The following MGAM variants were observed in gnomAD, a reference collection of about 807,000 sequenced individuals.
The protein encoded by MGAM is maltase-glucoamylase.
A neutral mutation model predicts 358.8 loss-of-function variants in MGAM; 253 were observed. The ratio of observed to expected loss-of-function variants is 0.71; its 90% confidence interval spans 0.64 to 0.78. The LOEUF (loss-of-function observed/expected upper bound fraction) is 0.78, where lower values mean the gene tolerates loss of function less well. MGAM is among the 30% of genes least tolerant of loss of function. The probability of loss-of-function intolerance (pLI) is 0.00; values close to 1 mark genes in which losing one functional copy is unlikely to be tolerated. For synonymous variants in MGAM, 1,105 were observed against 1,227.1 expected, an observed-to-expected ratio of 0.90 and a Z score of 2.08; for missense variants, 3,080 against 3,432.6, an observed-to-expected ratio of 0.90 and a Z score of 2.57.
rs1333911506 is a variant in MGAM at position 142,067,968 on chromosome 7, ATATATATATATATATATATTTTTTT to A, written c.5004+545_5004+569del. On this transcript the variant is annotated intron_variant, in intron 42 of 70. Coordinates refer to ENST00000475668, the MANE Select transcript of MGAM (RefSeq NM_001365693.1). ...TATATATATATATATATATATAAATATATATATATATATATATATTTTTTTTTTTTTTTTTTTGAGACAGAGTCTC... is the reference window on the plus strand; with the variant it reads ...TATATATATATATATATATATAAATATTTTTTTTTTTTGAGACAGAGTCTC... Among the ~76,000 whole-genome samples the A allele has an allele frequency of 2.6e-3, 13 of 5,068 alleles. 1 individual carries two copies. The highest frequency in any genetic ancestry group is 3.7e-3 in the African/African-American group (12 of 3,252). 3.3% of individuals were successfully genotyped at this position (5,068 alleles called of 152,430 possible).
intron 21 of MGAM, among the ~76,000 whole-genome samples, chr7:142,043,482 C>A (rs1809354995): frequency 3.0e-5 from 2 of 67,136 alleles, no homozygotes; most frequent in African/African-American, 1.2e-4. Flanking sequence ...CATATAATAT[C>A]TAAATATAAT....
chr7:142,105,854 A>G lies in MGAM; in HGVS notation c.8225A>G (p.His2742Arg). ...GTGACTGACAGAAACATCAGCCTAC[A>G]TAATTTTACTTCATTGACGTGGATA... Reference protein sequence around the residue: ...IDVTDRNISLHNFTSLTWIST... With the variant: ...IDVTDRNISLRNFTSLTWIST... Residue 2742 changes from histidine to arginine, a missense_variant, in exon 71 of 71, where the codon CAT becomes CGT. By Grantham distance (29) the His-to-Arg change is conservative (BLOSUM62 0). Transcript: ENST00000475668. 1.2e-6 allele frequency: 2 copies of G among 1,613,514 alleles called. No individual in the cohort carries two copies. Among genetic ancestry groups the G allele is most frequent in the Non-Finnish European group, 8.5e-7 (1 of 1,179,484 alleles).
chr7:142,027,152 C>T lies in MGAM; in HGVS notation c.1020C>T (p.Arg340=). The T allele has an allele frequency of 6.2e-7, 1 of 1,613,666 alleles. No individual in the cohort carries two copies. Among genetic ancestry groups the T allele is most frequent in the South Asian group, 1.1e-5 (1 of 91,064 alleles). ...AGCCTGCGCCAGCCATCACTTACCG[C>T]ACCATTGGGGGCATTCTCGACTTCT... is the stretch of plus-strand genomic sequence containing the variant. The part of the protein sequence containing the change: ...VLQPAPAITY[R]TIGGILDFYV... Residue 340 remains arginine (R), a synonymous_variant, in exon 9 of 71, where the codon CGC becomes CGT. Coordinates refer to ENST00000475668, the MANE Select transcript of MGAM (RefSeq NM_001365693.1).
At chr7:142,097,095 AT>A (rs1815986910) in intron 65 of MGAM, among the ~76,000 whole-genome samples, 1 of 150,226 alleles carries the variant, frequency 6.7e-6, no homozygotes, top group African/African-American at 2.5e-5. Context: ...GGCCCGGCCA[AT>A]TTAAATTTTT....
At chr7:142,102,416 G>A (rs1329014188) in intron 68 of MGAM, among the ~76,000 whole-genome samples, 1 of 152,192 alleles carries the variant, frequency 6.6e-6, no homozygotes, top group African/African-American at 2.4e-5. Flanking sequence ...CAAGCATTTT[G>A]TGTAAACTGA....
Position 142,090,548 on chromosome 7 carries a change from G to A in MGAM, c.6811-1365G>A, listed in dbSNP as rs552490557. On this transcript the variant is annotated intron_variant, in intron 57 of 70. Coordinates refer to ENST00000475668, the MANE Select transcript of MGAM (RefSeq NM_001365693.1). The stretch of plus-strand genomic sequence containing the variant: ...TCACATCCTTGACAGCCAGACCCAT[G>A]TAGGCTGGTCTGTTTCTGTTTTCTC... Among the ~76,000 whole-genome samples the A allele has an allele frequency of 5.8e-4, 85 of 145,972 alleles. 4 individuals carry two copies. The highest frequency in any genetic ancestry group is 1.8e-3 in the African/African-American group (73 of 41,174).
chr7:142,037,599 G>T (rs1808107358), intron 18 of MGAM, among the ~76,000 whole-genome samples: 1 of 152,100 alleles, frequency 6.6e-6, no homozygotes, highest in African/African-American at 2.4e-5. Flanking sequence ...ATTATTTTGG[G>T]AAGTTTTTGT....
intron 34 of MGAM, among the ~76,000 whole-genome samples, chr7:142,062,231 T>C (rs1405398199): frequency 6.6e-6 from 1 of 152,222 alleles, no homozygotes; most frequent in African/African-American, 2.4e-5. Flanking sequence ...CCTGGCTTTG[T>C]CTTTGAGGAG....
chr7:142,060,891 T>C (rs1017145865), intron 34 of MGAM, among the ~76,000 whole-genome samples: 1 of 152,130 alleles, frequency 6.6e-6, no homozygotes, highest in African/African-American at 2.4e-5. Flanking sequence ...CCACCATTCC[T>C]TGGGTTTCTC....
chr7:142,087,265 T>C (rs971979292), intron 57 of MGAM, among the ~76,000 whole-genome samples: 1 of 145,896 alleles, frequency 6.9e-6, no homozygotes, highest in Non-Finnish European at 1.6e-5. Flanking sequence ...CCTCTCAGTT[T>C]CCAGCCTTAC....
intron 3 of MGAM, among the ~76,000 whole-genome samples, chr7:142,012,830 T>G (rs1451868126): frequency 1.3e-5 from 2 of 152,124 alleles, no homozygotes; most frequent in South Asian, 2.1e-4. Flanking sequence ...GTGGTAAGAC[T>G]GACTGCACCC....
At position 142,050,961 on chromosome 7, in the gene MGAM, G is replaced by C. The variant is rs1268835336; in HGVS notation, c.2805+97G>C. The C allele has an allele frequency of 4.5e-6, 7 of 1,540,466 alleles. No homozygotes were observed. The Admixed American group carries it at 1.2e-4, about 27-fold the overall frequency. On this transcript the variant is annotated intron_variant, in intron 24 of 70. Transcript: ENST00000475668. The stretch of plus-strand genomic sequence containing the variant: ...TTTGCATGGGTCCCTGAAGGACCAG[G>C]GCACCTTTGAGGCCTGTTTTGGGGA...
chr7:141,996,284 G>A (rs1554448653), intron 1 of MGAM, among the ~76,000 whole-genome samples: 1 of 147,984 alleles, frequency 6.8e-6, no homozygotes, highest in East Asian at 2.0e-4. Flanking sequence ...CTGGGTCGTA[G>A]AGCGATACTC....
intron 42 of MGAM, among the ~76,000 whole-genome samples, 170 bp downstream of exon 42, chr7:142,067,595 C>T (rs1181742097): frequency 1.4e-5 from 1 of 72,664 alleles, no homozygotes; most frequent in African/African-American, 3.3e-5. Context: ...GTTCTTGGCA[C>T]TCAGCTCCTT....
At chr7:142,094,939 T>A in intron 63 of MGAM, 76 bp downstream of exon 63, 1 of 1,442,970 alleles carries the variant, frequency 6.9e-7, no homozygotes, top group Non-Finnish European at 9.4e-7. Flanking sequence ...TAATGCAGTC[T>A]GTATTTCCTG....
chr7:142,053,257 G>C (rs551496674), intron 26 of MGAM, among the ~76,000 whole-genome samples: 2 of 152,274 alleles, frequency 1.3e-5, no homozygotes, highest in East Asian at 3.9e-4. Context: ...AGGCAGGTCA[G>C]TGGAGGGATT....
intron 46 of MGAM, 89 bp downstream of exon 46, chr7:142,076,341 G>A: frequency 8.0e-7 from 1 of 1,244,332 alleles, no homozygotes; most frequent in South Asian, 1.2e-5. Flanking sequence ...GATTATATTT[G>A]TAACTTTATA....
In MGAM at chr7:142,055,641, G is replaced by T. The variant is rs994686231; in HGVS notation, c.3398G>T (p.Gly1133Val). The T allele has an allele frequency of 6.2e-7, 1 of 1,613,728 alleles. No individual in the cohort carries two copies. Among genetic ancestry groups the T allele is most frequent in the Admixed American group, 1.7e-5 (1 of 59,990 alleles). ...STRLPSKYLY[G>V]FGETEHRSYR... ...CGCCTTCCCTCCAAGTACCTCTATG[G>T]CTTTGGGGAAACTGAGCACAGGTCC... Residue 1133 changes from glycine to valine, a missense_variant, in exon 28 of 71, where the codon GGC becomes GTC. Physicochemically the swap from Gly to Val is moderately radical, Grantham distance 109. Coordinates refer to ENST00000475668, the MANE Select transcript of MGAM (RefSeq NM_001365693.1).
Position 142,080,813 on chromosome 7 carries a change from G to C in MGAM, c.5870G>C (p.Arg1957Pro), listed in dbSNP as rs1814190405. ...TAGATTTATGATCCCAACAACAATCGGTATGAAGTTCCAGTCCCTCTGAAC... is the reference window on the plus strand; with the variant it reads ...TAGATTTATGATCCCAACAACAATCCGTATGAAGTTCCAGTCCCTCTGAAC... ...QFKIYDPNNN[R>P]YEVPVPLNIP... Residue 1957 changes from arginine (R) to proline (P), a missense_variant, in exon 50 of 71, where the codon CGG becomes CCG. Physicochemically the swap from Arg to Pro is moderately radical, Grantham distance 103 (BLOSUM62 -2). This residue lies in a region of MGAM where 932 missense variants were observed against 1,198.2 expected (regional missense o/e 0.78). Coordinates refer to ENST00000475668, the MANE Select transcript of MGAM (RefSeq NM_001365693.1). 6.4e-7 allele frequency: 1 copy of C among 1,554,904 alleles called. No homozygotes were observed. The highest frequency in any genetic ancestry group is 1.3e-5 in the African/African-American group (1 of 74,526).
Sources: gnomAD v4.1 joint callset for allele counts (sites outside exome capture counted in the v4.1 genomes callset) on GRCh38, gnomAD v4.1.1 for gene constraint, gnomAD v4.1.1 regional missense constraint, MANE v1.5 for transcripts, NCBI Gene and HGNC (gene_info 2026-07-23, HGNC 2026-07-21) for gene names.